Variants in HECTD4 observed in about 807,000 individuals in gnomAD.
HECTD4 encodes probable E3 ubiquitin-protein ligase HECTD4.
HECTD4 carries 114 observed loss-of-function variants against 471.5 expected under a neutral mutation model. The ratio of observed to expected loss-of-function variants is 0.24; its 90% CI spans 0.21 to 0.28. The LOEUF is 0.28. Ranked by LOEUF, HECTD4 falls within the 10% of genes least tolerant of loss-of-function variation. The probability of loss-of-function intolerance (pLI) is 1.00; values close to 1 mark genes in which losing one functional copy is unlikely to be tolerated. For missense variants in HECTD4, 3,866 were observed against 5,651.5 expected (o/e 0.68, Z 10.13); for synonymous variants, 2,012 against 2,256.0 (o/e 0.89, Z 3.07).
intron 22 of HECTD4, among the ~76,000 whole-genome samples, chr12:112,253,426 TA>T (rs1211145212): frequency 6.6e-6 from 1 of 152,184 alleles, no homozygotes; most frequent in Non-Finnish European, 1.5e-5. Context: ...CACCTGGCCA[TA>T]ATTTCTAACA....
chr12:112,311,025 G>A (rs1163230115), intron 4 of HECTD4, among the ~76,000 whole-genome samples: 1 of 152,196 alleles, frequency 6.6e-6, no homozygotes, highest in Non-Finnish European at 1.5e-5. Flanking sequence ...ACTTTGGGAG[G>A]CCGAGGCGGG....
intron 43 of HECTD4, among the ~76,000 whole-genome samples, chr12:112,227,247 G>A (rs568606664): frequency 1.3e-5 from 2 of 152,264 alleles, no homozygotes; most frequent in Non-Finnish European, 2.9e-5. Flanking sequence ...ATCACCAGAG[G>A]TCAGGAGTTT....
Position 112,265,163 on chromosome 12 carries a change from A to T in HECTD4, c.2619+12T>A. 6.3e-7 allele frequency: 1 copy of T among 1,583,966 alleles called. No individual in the cohort carries two copies. Among genetic ancestry groups the T allele is most frequent in the South Asian group, 1.2e-5 (1 of 83,790 alleles). On this transcript the variant is annotated intron_variant, in intron 16 of 75. Coordinates refer to ENST00000682272, the MANE Select transcript of HECTD4 (RefSeq NM_001388303.1). ...ATATAATTTTGCTTTCATTAAACAC[A>T]TTTTTACTTACAGGCACAGTTGAAA... is the stretch of plus-strand genomic sequence containing the variant.
intron 45 of HECTD4, 132 bp from the exon 46 acceptor site, chr12:112,217,327 A>G (rs2032950012): frequency 2.0e-6 from 1 of 491,296 alleles, no homozygotes; most frequent in South Asian, 6.2e-5. Context: ...ATACACACAC[A>G]CACACACATA....
chr12:112,214,712 C>G (rs184424290), intron 48 of HECTD4, among the ~76,000 whole-genome samples: 2 of 152,292 alleles, frequency 1.3e-5, no homozygotes, highest in Admixed American at 6.5e-5. Flanking sequence ...CCACCCACCC[C>G]CTGACATACA....
At position 112,273,710 on chromosome 12, in the gene HECTD4, G is replaced by A. The variant is rs777443728; in HGVS notation, c.1887C>T (p.Ala629=). Residue 629 remains alanine (A), a synonymous_variant, in exon 11 of 76, where the codon GCC becomes GCT. Transcript: ENST00000682272. ...CAAGTCTCTGGCAGACATAATGGAA[G>A]GCTTGATTCCCAGGGTTACACCACT... ...IDQWCNPGNQ[A]FHYVCQRLGV... is the part of the protein sequence containing the mutation. 7 of 1,613,920 alleles carry A rather than the reference G, an allele frequency of 4.3e-6. No homozygotes were observed. In the South Asian group the frequency reaches 6.6e-5, roughly 15 times the overall value.
At chr12:112,165,543 G>A (rs185561512) in intron 72 of HECTD4, among the ~76,000 whole-genome samples, 3 of 152,020 alleles carry the variant, frequency 2.0e-5, no homozygotes, top group Admixed American at 6.5e-5. Flanking sequence ...AGTAGAGACG[G>A]GGTTTCACTG....
At chr12:112,209,218 C>G (rs12298088) in intron 50 of HECTD4, among the ~76,000 whole-genome samples, 2,415 of 152,154 alleles carry the variant, frequency 0.016, 70 homozygotes, top group African/African-American at 0.054. Flanking sequence ...AATCTTAAAA[C>G]AGTTTGCAAA....
chr12:112,193,267 C>G lies in HECTD4; in HGVS notation c.8956-76G>C. The G allele has an allele frequency of 3.9e-6, 6 of 1,552,924 alleles. No individual in the cohort carries two copies. In the South Asian group the frequency reaches 7.1e-5, roughly 18 times the overall value. ...CATTTCATCTTCTCATCTCACATGGCCCAGGAAATCAGCCAAACGACTAAA... is the reference window on the plus strand; with the variant it reads ...CATTTCATCTTCTCATCTCACATGGGCCAGGAAATCAGCCAAACGACTAAA... On this transcript the variant is annotated intron_variant, in intron 57 of 75. Coordinates refer to ENST00000682272, the MANE Select transcript of HECTD4 (RefSeq NM_001388303.1). The surrounding 1 kb of genome is among the most constrained non-coding windows in gnomAD (Gnocchi z 5.2).
chr12:112,209,184 G>A (rs960293765), intron 50 of HECTD4, among the ~76,000 whole-genome samples: 1 of 152,066 alleles, frequency 6.6e-6, no homozygotes, highest in East Asian at 1.9e-4. Flanking sequence ...ATAGATGTGA[G>A]CCACAGTGTC....
intron 4 of HECTD4, among the ~76,000 whole-genome samples, chr12:112,310,096 C>A (rs777414644): frequency 3.1e-4 from 47 of 152,036 alleles, no homozygotes; most frequent in South Asian, 2.5e-3. Context: ...AGTAAGTGAC[C>A]CTGAACCTCT....
intron 23 of HECTD4, 60 bp downstream of exon 23, chr12:112,252,364 G>A (rs901965630): frequency 1.3e-4 from 200 of 1,487,426 alleles, no homozygotes; most frequent in Non-Finnish European, 1.7e-4. Flanking sequence ...TATGCTGTAT[G>A]TAATCAAGGC....
intron 1 of HECTD4, among the ~76,000 whole-genome samples, chr12:112,331,036 G>T (rs1594050899): frequency 1.3e-5 from 2 of 152,096 alleles, no homozygotes; most frequent in African/African-American, 4.8e-5. Flanking sequence ...TGAGGATGGG[G>T]CCTAGGCATC....
chr12:112,212,859 C>T lies in HECTD4; in HGVS notation c.7466-209G>A, dbSNP rs538245911. On this transcript the variant is annotated intron_variant, in intron 48 of 75. Transcript: ENST00000682272. ...TGCCCAGGCTGGAGTACAGTGGTGCCATCTCGGCTCACTGCAACCTCTGCC... is the reference window on the plus strand; with the variant it reads ...TGCCCAGGCTGGAGTACAGTGGTGCTATCTCGGCTCACTGCAACCTCTGCC... Among the ~76,000 whole-genome samples the T allele has an allele frequency of 3.3e-5, 5 of 152,140 alleles. No homozygotes were observed. The South Asian group carries it at 1.0e-3, about 32-fold the overall frequency.
intron 1 of HECTD4, among the ~76,000 whole-genome samples, chr12:112,338,529 A>G (rs1358935064): frequency 6.6e-6 from 1 of 152,172 alleles, no homozygotes; most frequent in Non-Finnish European, 1.5e-5. Context: ...GCTGAGGCAG[A>G]GAATCGCTTG....
chr12:112,302,232 C>A, intron 7 of HECTD4: 1 of 1,317,202 alleles, frequency 7.6e-7, no homozygotes. Flanking sequence ...TTGTTCTCCA[C>A]CAAGGTGGTG....
chr12:112,374,842 CCTTTT>C (rs2036748163), intron 1 of HECTD4, among the ~76,000 whole-genome samples: 1 of 152,288 alleles, frequency 6.6e-6, no homozygotes, highest in African/African-American at 2.4e-5. Context: ...CCCAAATGCC[CCTTTT>C]CTTATCTGGC....
Position 112,343,777 on chromosome 12 carries a change from G to GA in HECTD4, c.178-24036dup, listed in dbSNP as rs931037769. On this transcript the variant is annotated intron_variant, in intron 1 of 75. Coordinates refer to ENST00000682272, the MANE Select transcript of HECTD4 (RefSeq NM_001388303.1). ...CAGACAGAGAGACCCCATCTCTTGGGAAAAAAAAAAGTGAAATCAACCTAA... is the reference window on the plus strand; with the variant it reads ...CAGACAGAGAGACCCCATCTCTTGGGAAAAAAAAAAAGTGAAATCAACCTAA... Among the ~76,000 whole-genome samples, 24 of 146,672 alleles carry GA rather than the reference G, an allele frequency of 1.6e-4. No individual in the cohort carries two copies. The East Asian group carries it at 2.8e-3, about 17-fold the overall frequency.
intron 50 of HECTD4, among the ~76,000 whole-genome samples, 198 bp downstream of exon 50, chr12:112,209,817 G>A (rs189831304): frequency 2.0e-5 from 3 of 152,334 alleles, no homozygotes; most frequent in African/African-American, 7.2e-5. Flanking sequence ...TGGAAATGGG[G>A]ATGAACTTTC....
Sources: gnomAD v4.1 joint callset for allele counts (sites outside exome capture counted in the v4.1 genomes callset) on GRCh38, gnomAD v4.1.1 for gene constraint, Gnocchi (gnomAD v3.1) non-coding constraint, MANE v1.5 for transcripts, NCBI Gene and HGNC (gene_info 2026-07-23, HGNC 2026-07-21) for gene names.